BYSL: variants seen among roughly 807,000 people sequenced by gnomAD.
BYSL encodes the protein bystin.
Under a neutral mutation model 45.4 loss-of-function variants are expected in BYSL, and 21 were observed. That is an observed-to-expected ratio of 0.46 (90% CI 0.33 to 0.67). The LOEUF (loss-of-function observed/expected upper bound fraction) is 0.67, where lower values mean the gene tolerates loss of function less well. BYSL is among the 30% of genes least tolerant of loss of function. BYSL has a pLI of 0.02. For missense variants in BYSL, 522 were observed against 578.5 expected, an observed-to-expected ratio of 0.90 and a Z score of 1.00; for synonymous variants, 215 against 231.3, an observed-to-expected ratio of 0.93 and a Z score of 0.64.
At chr6:41,925,426 C>T (rs1026549205) in intron 1 of BYSL, among the ~76,000 whole-genome samples, 3 of 150,910 alleles carry the variant, frequency 2.0e-5, no homozygotes, top group South Asian at 2.1e-4. Context: ...TGCAGTGGCA[C>T]GATCTTGGCT....
Position 41,921,538 on chromosome 6 carries a change from C to A in BYSL, c.-25C>A, listed in dbSNP as rs556154714. 6.8e-5 allele frequency: 106 copies of A among 1,550,870 alleles called. No individual in the cohort carries two copies. Among genetic ancestry groups the A allele is most frequent in the Non-Finnish European group, 9.0e-5 (103 of 1,147,060 alleles). ...CTTTCTTCAGTCCCCACGTGCGATCCTTCCCGGCAACTTTTTCGAGAAAAA... is the reference window on the plus strand; with the variant it reads ...CTTTCTTCAGTCCCCACGTGCGATCATTCCCGGCAACTTTTTCGAGAAAAA... On this transcript the variant is annotated 5_prime_UTR_variant, in exon 1 of 7. Transcript: ENST00000230340.
chr6:41,930,721 C>G lies in BYSL; in HGVS notation c.657C>G (p.Val219=). The G allele has an allele frequency of 3.1e-6, 5 of 1,614,120 alleles. No individual in the cohort carries two copies. The highest frequency in any genetic ancestry group is 4.2e-6 in the Non-Finnish European group (5 of 1,179,992). ...ALSNWEQILY[V]TEPEAWTAAA... ...CCAACTGGGAGCAAATCCTCTACGT[C>G]ACAGAGCCGGAGGCCTGGACTGCAG... Residue 219 remains valine (V), a synonymous_variant, in exon 4 of 7, where the codon GTC becomes GTG. Transcript: ENST00000230340.
rs375867592 is a variant in BYSL, at chr6:41,930,651, G to T, written c.587G>T (p.Arg196Leu). ...CATCCCTAGGTATTATCTAAGTACCGCAGTGGAAAACTGCCCAAGGCATTT... is the reference window on the plus strand; with the variant it reads ...CATCCCTAGGTATTATCTAAGTACCTCAGTGGAAAACTGCCCAAGGCATTT... ...RGVREVLSKY[R>L]SGKLPKAFKI... The change falls in exon 4 of 7, where the codon CGC becomes CTC. Residue 196 changes from arginine (R) to leucine (L), a missense_variant. Coordinates refer to ENST00000230340, the MANE Select transcript of BYSL (RefSeq NM_004053.4). 1.2e-4 allele frequency: 196 copies of T among 1,612,248 alleles called. No individual in the cohort carries two copies. The highest frequency in any genetic ancestry group is 1.4e-4 in the Non-Finnish European group (168 of 1,179,404).
Position 41,932,470 on chromosome 6 carries a change from C to T in BYSL, c.1078C>T (p.Leu360=), listed in dbSNP as rs1775654823. Residue 360 remains leucine, a synonymous_variant, in exon 7 of 7, where the codon CTA becomes TTA. Transcript: ENST00000230340. This position sits in a 1 kb window ranked among gnomAD's most constrained non-coding sequence, Gnocchi z 4.7. The stretch of plus-strand genomic sequence containing the variant: ...ACTGCCTTACCGGGTGCTGGATGCC[C>T]TAGTCTTCCACTTCCTGGGGTTCCG... ...YALPYRVLDA[L]VFHFLGFRTE... 6.2e-7 allele frequency: 1 copy of T among 1,614,056 alleles called. No homozygotes were observed. The highest frequency in any genetic ancestry group is 1.7e-5 in the Admixed American group (1 of 60,004).
chr6:41,915,762 G>A, the BYSL span, among the ~76,000 whole-genome samples: 47 of 102,236 alleles, frequency 4.6e-4, 1 homozygote, highest in Non-Finnish European at 9.0e-4. Context: ...ACTCCAGCCT[G>A]GGCGACAGAG....
the BYSL span, among the ~76,000 whole-genome samples, chr6:41,915,022 A>AT: frequency 6.6e-6 from 1 of 152,230 alleles, no homozygotes; most frequent in African/African-American, 2.4e-5. Flanking sequence ...GTCAATCAGT[A>AT]AACAGGGCCA....
chr6:41,929,237 G>C (rs1228421581), intron 2 of BYSL, among the ~76,000 whole-genome samples: 1 of 152,160 alleles, frequency 6.6e-6, no homozygotes, highest in Non-Finnish European at 1.5e-5. Context: ...GTCTGGGCAT[G>C]GTGGCCCAGA....
chr6:41,925,989 C>A (rs1238752821), intron 1 of BYSL, among the ~76,000 whole-genome samples: 2 of 152,094 alleles, frequency 1.3e-5, no homozygotes, highest in Non-Finnish European at 2.9e-5. Context: ...CAGCCAACTT[C>A]ATGTATTTAA....
intron 2 of BYSL, 140 bp from the exon 3 acceptor site, chr6:41,929,992 G>A: frequency 9.0e-7 from 1 of 1,111,382 alleles, no homozygotes; most frequent in Non-Finnish European, 1.3e-6. Flanking sequence ...CACAGAGAGA[G>A]AACTCTAAGC....
Position 41,932,661 on chromosome 6 carries a change from T to C in BYSL, c.1269T>C (p.Ser423=), listed in dbSNP as rs760705186. Residue 423 remains serine, a synonymous_variant, in exon 7 of 7, where the codon AGT becomes AGC. Transcript: ENST00000230340. The surrounding 1 kb of genome is among the most constrained non-coding windows in gnomAD (Gnocchi z 4.7). ...CCGAAATCAGGCGTGAGCTTCAGAGTGCAGTCCCCCGCGATGTGGAAGATG... is the reference window on the plus strand; with the variant it reads ...CCGAAATCAGGCGTGAGCTTCAGAGCGCAGTCCCCCGCGATGTGGAAGATG... ...LSPEIRRELQ[S]AVPRDVEDVP... is the part of the protein sequence containing the mutation. 2 of 1,613,906 alleles carry C rather than the reference T, an allele frequency of 1.2e-6. No homozygotes were observed. The highest frequency in any genetic ancestry group is 1.7e-6 in the Non-Finnish European group (2 of 1,179,874).
Position 41,932,451 on chromosome 6 carries a change from T to G in BYSL, c.1059T>G (p.Pro353=), listed in dbSNP as rs1305837041. ...TGCTGGATAAGAAGTATGCACTGCC[T>G]TACCGGGTGCTGGATGCCCTAGTCT... ...RLLLDKKYAL[P]YRVLDALVFH... is the part of the protein sequence containing the mutation. The change falls in exon 7 of 7, where the codon CCT becomes CCG. Residue 353 remains proline, a synonymous_variant. Coordinates refer to ENST00000230340, the MANE Select transcript of BYSL (RefSeq NM_004053.4). This position sits in a 1 kb window ranked among gnomAD's most constrained non-coding sequence, Gnocchi z 4.7. The G allele has an allele frequency of 6.2e-7, 1 of 1,614,166 alleles. No homozygotes were observed. Among genetic ancestry groups the G allele is most frequent in the Non-Finnish European group, 8.5e-7 (1 of 1,180,040 alleles).
rs903628380 is a variant in BYSL at position 41,931,819 on chromosome 6, G to A, written c.957G>A (p.Val319=). The change falls in exon 6 of 7, where the codon GTG becomes GTA. Residue 319 remains valine (V), a synonymous_variant. Coordinates refer to ENST00000230340, the MANE Select transcript of BYSL (RefSeq NM_004053.4). The part of the protein sequence containing the change: ...GSIITKCSIP[V]LHSSAAMLKI... The stretch of plus-strand genomic sequence containing the variant: ...TCATCACCAAGTGCTCCATCCCTGT[G>A]TTGCACTCCAGGTAGTATTGCTGGG... 5 of 1,613,574 alleles carry A rather than the reference G, an allele frequency of 3.1e-6. No homozygotes were observed. Among genetic ancestry groups the A allele is most frequent in the African/African-American group, 2.7e-5 (2 of 74,908 alleles).
the BYSL span, chr6:41,909,213 C>T: frequency 6.4e-7 from 1 of 1,566,942 alleles, no homozygotes; most frequent in African/African-American, 1.4e-5. Context: ...TCTTCAGAGC[C>T]CTTTGCTAAG....
upstream of BYSL, chr6:41,916,712 A>C (rs1027314599): frequency 1.9e-6 from 3 of 1,561,298 alleles, no homozygotes; most frequent in South Asian, 2.3e-5. Context: ...AAAAGCAGAA[A>C]GACTTCAATT....
At chr6:41,930,527 T>G in intron 3 of BYSL, 108 bp from the exon 4 acceptor site, 1 of 1,405,664 alleles carries the variant, frequency 7.1e-7, no homozygotes, top group Non-Finnish European at 9.6e-7. Flanking sequence ...TAGGTTATTG[T>G]GGGGATGCAA....
chr6:41,911,979 C>G, the BYSL span, among the ~76,000 whole-genome samples: 22 of 152,148 alleles, frequency 1.4e-4, no homozygotes, highest in Non-Finnish European at 2.4e-4. Flanking sequence ...TAAAAGTCAA[C>G]TAAGGGGTGT....
chr6:41,921,228 C>A (rs957733088), upstream of BYSL: 11 of 667,536 alleles, frequency 1.6e-5, no homozygotes, highest in African/African-American at 1.8e-4. Flanking sequence ...ACATCATCTG[C>A]GGATTCCCGC....
At chr6:41,913,302 A>T in the BYSL span, among the ~76,000 whole-genome samples, 1 of 152,126 alleles carries the variant, frequency 6.6e-6, no homozygotes, top group Admixed American at 6.6e-5. Context: ...CTGAAGCTCC[A>T]ATCCAGGCAT....
chr6:41,910,927 G>C, the BYSL span, among the ~76,000 whole-genome samples: 17 of 151,594 alleles, frequency 1.1e-4, no homozygotes, highest in Non-Finnish European at 2.5e-4. Context: ...TGGCCAACAT[G>C]GTAAAACCTC....
Sources: gnomAD v4.1 joint callset for allele counts (sites outside exome capture counted in the v4.1 genomes callset) on GRCh38, gnomAD v4.1.1 for gene constraint, Gnocchi (gnomAD v3.1) non-coding constraint, MANE v1.5 for transcripts, NCBI Gene and HGNC (gene_info 2026-07-23, HGNC 2026-07-21) for gene names.